The following ARSB variants were observed in gnomAD, a reference collection of about 807,000 sequenced individuals.
ARSB encodes the protein N-acetylgalactosamine-4-sulfatase.
In ARSB, 41 loss-of-function variants were observed where a neutral mutation model predicts 50.9. The observed-to-expected ratio is 0.81, with a 90% CI of 0.63 to 1.04. ARSB has a LOEUF of 1.04. Ranked by LOEUF, ARSB falls within the 50% of genes least tolerant of loss-of-function variation. The pLI, the probability that ARSB is intolerant of heterozygous loss-of-function variation, is 0.00. For missense variants in ARSB, 672 were observed against 693.3 expected (o/e 0.97, Z 0.35); for synonymous variants, 269 against 284.8 (o/e 0.94, Z 0.56).
chr5:78,829,860 A>C (rs1561444732), intron 6 of ARSB, among the ~76,000 whole-genome samples: 1 of 152,194 alleles, frequency 6.6e-6, no homozygotes, highest in Non-Finnish European at 1.5e-5. Context: ...TTTATGGTAG[A>C]CTCTTTCAAG....
At chr5:78,965,383 A>T (rs1040117626) in intron 2 of ARSB, among the ~76,000 whole-genome samples, 1 of 152,170 alleles carries the variant, frequency 6.6e-6, no homozygotes, top group African/African-American at 2.4e-5. Context: ...TGTGCTACGT[A>T]TGATTCCACT....
chr5:78,785,634 T>C (rs995152505), intron 6 of ARSB, among the ~76,000 whole-genome samples: 1 of 152,222 alleles, frequency 6.6e-6, no homozygotes, highest in Admixed American at 6.5e-5. Flanking sequence ...TCTGTCAACA[T>C]GTGTGAGACT....
At chr5:78,867,361 G>A (rs1159043382) in intron 5 of ARSB, among the ~76,000 whole-genome samples, 4 of 151,946 alleles carry the variant, frequency 2.6e-5, no homozygotes, top group Non-Finnish European at 5.9e-5. Flanking sequence ...CACCTCTGGG[G>A]GCAGGGCACA....
intron 4 of ARSB, among the ~76,000 whole-genome samples, chr5:78,947,472 G>A (rs778734563): frequency 3.4e-4 from 51 of 152,136 alleles, no homozygotes; most frequent in Non-Finnish European, 5.9e-4. Flanking sequence ...ATGGGCAAAA[G>A]ATCTGAATAG....
chr5:78,853,585 A>C (rs1745968177), intron 5 of ARSB, among the ~76,000 whole-genome samples: 1 of 152,196 alleles, frequency 6.6e-6, no homozygotes, highest in African/African-American at 2.4e-5. Context: ...TGCTCTCTTC[A>C]AAGCTGTCAG....
intron 6 of ARSB, among the ~76,000 whole-genome samples, chr5:78,783,036 T>C (rs1245882354): frequency 6.6e-6 from 1 of 152,176 alleles, no homozygotes; most frequent in Non-Finnish European, 1.5e-5. Context: ...AAGACCCTGG[T>C]GGGTCCACAA....
chr5:78,780,570 T>A lies in ARSB; in HGVS notation c.1429A>T (p.Ile477Phe). ...PPTKTLWLFD[I>F]DRDPEERHDL... The stretch of plus-strand genomic sequence containing the variant: ...TGTCTTTCTTCAGGGTCCCGATCAA[T>A]ATCAAAGAGCCAGAGGGTCTTGGTT... Residue 477 changes from isoleucine to phenylalanine, a missense_variant, in exon 8 of 8, where the codon ATT becomes TTT. Transcript: ENST00000264914. 6.2e-7 allele frequency: 1 copy of A among 1,614,108 alleles called. No individual in the cohort carries two copies. Among genetic ancestry groups the A allele is most frequent in the Non-Finnish European group, 8.5e-7 (1 of 1,179,998 alleles).
chr5:78,889,435 T>A (rs1056176928), intron 4 of ARSB, among the ~76,000 whole-genome samples: 1 of 152,100 alleles, frequency 6.6e-6, no homozygotes, highest in Non-Finnish European at 1.5e-5. Flanking sequence ...GACTGACATA[T>A]GAAAAAAATT....
At chr5:78,854,141 G>A (rs1020313197) in intron 5 of ARSB, among the ~76,000 whole-genome samples, 25 of 152,228 alleles carry the variant, frequency 1.6e-4, no homozygotes, top group African/African-American at 2.9e-4. Context: ...GAAATCACCC[G>A]TCTTCTGTGT....
At chr5:78,850,643 C>T (rs1223410511) in intron 5 of ARSB, among the ~76,000 whole-genome samples, 1 of 152,110 alleles carries the variant, frequency 6.6e-6, no homozygotes, top group Non-Finnish European at 1.5e-5. Context: ...GGTACCAGTT[C>T]CTCCTTGTAC....
At chr5:78,974,829 C>T (rs779110987) in intron 1 of ARSB, among the ~76,000 whole-genome samples, 2 of 152,248 alleles carry the variant, frequency 1.3e-5, no homozygotes, top group Non-Finnish European at 2.9e-5. Flanking sequence ...TTAGGAAGGA[C>T]ACCTGGCTTT....
In ARSB at chr5:78,813,826, C is replaced by T. The variant is rs375541646; in HGVS notation, c.1213+25530G>A. Among the ~76,000 whole-genome samples, 213 of 152,028 alleles carry T rather than the reference C, an allele frequency of 1.4e-3. 1 individual carries two copies. The highest frequency in any genetic ancestry group is 5.0e-3 in the African/African-American group (207 of 41,496). ...TCATGCAGTACTATAAAAATCTCTTCTCATTTTGTATTTATTATGAGTACT... is the reference window on the plus strand; with the variant it reads ...TCATGCAGTACTATAAAAATCTCTTTTCATTTTGTATTTATTATGAGTACT... On this transcript the variant is annotated intron_variant, in intron 6 of 7. Transcript: ENST00000264914.
At chr5:78,894,314 C>T (rs1258560051) in intron 4 of ARSB, among the ~76,000 whole-genome samples, 2 of 152,218 alleles carry the variant, frequency 1.3e-5, no homozygotes, top group Admixed American at 1.3e-4. Context: ...TCTATCTGGG[C>T]AGACATCAAC....
intron 1 of ARSB, among the ~76,000 whole-genome samples, chr5:78,978,711 G>A (rs1752773460): frequency 6.6e-6 from 1 of 152,164 alleles, no homozygotes; most frequent in African/African-American, 2.4e-5. Flanking sequence ...ATGGTCAATT[G>A]AGTCTTGACA....
At chr5:78,982,999 G>A (rs1392955529) in intron 1 of ARSB, among the ~76,000 whole-genome samples, 2 of 152,168 alleles carry the variant, frequency 1.3e-5, no homozygotes, top group Admixed American at 1.3e-4. Flanking sequence ...TAATTTTGGT[G>A]ACTGGTGGGG....
chr5:78,939,422 C>G (rs1462050336), intron 4 of ARSB, among the ~76,000 whole-genome samples: 2 of 152,010 alleles, frequency 1.3e-5, no homozygotes, highest in Non-Finnish European at 2.9e-5. Context: ...CTAATGCTAT[C>G]CCTCACCCCT....
intron 5 of ARSB, among the ~76,000 whole-genome samples, chr5:78,848,052 T>A (rs919407557): frequency 6.6e-6 from 1 of 150,972 alleles, no homozygotes; most frequent in African/African-American, 2.4e-5. Flanking sequence ...TGAATTTTTT[T>A]ATTTTATTAT....
At chr5:78,964,940 C>G (rs777475181) in intron 2 of ARSB, among the ~76,000 whole-genome samples, 1 of 151,872 alleles carries the variant, frequency 6.6e-6, no homozygotes, top group Non-Finnish European at 1.5e-5. Context: ...AAATAATGTA[C>G]AGTTAATGTG....
chr5:78,913,262 C>T (rs1167158746), intron 4 of ARSB, among the ~76,000 whole-genome samples: 1 of 152,094 alleles, frequency 6.6e-6, no homozygotes, highest in African/African-American at 2.4e-5. Context: ...GTAGCTGGGA[C>T]TACAGGCGCC....
Sources: allele counts gnomAD v4.1 joint callset (sites outside exome capture counted in the v4.1 genomes callset), GRCh38; gene constraint gnomAD v4.1.1; transcripts MANE v1.5; gene names NCBI Gene and HGNC (gene_info 2026-07-23, HGNC 2026-07-21).